The following RERE variants were observed in gnomAD, a reference collection of about 807,000 sequenced individuals.
RERE encodes arginine-glutamic acid dipeptide repeats protein.
In RERE, 40 loss-of-function variants were observed where a neutral mutation model predicts 146.1. The ratio of observed to expected loss-of-function variants is 0.27; its 90% CI spans 0.21 to 0.36. The LOEUF is 0.36. RERE is among the 10% of genes least tolerant of loss of function. The pLI, the probability that RERE is intolerant of heterozygous loss-of-function variation, is 1.00. For missense variants in RERE, 1,933 were observed against 2,138.7 expected (o/e 0.90, Z 1.90); for synonymous variants, 1,003 against 866.0 (o/e 1.16, Z -2.78).
intron 12 of RERE, among the ~76,000 whole-genome samples, chr1:8,378,873 G>C (rs772846116): frequency 6.6e-6 from 1 of 152,328 alleles, no homozygotes. Context: ...GCTGTGAGAC[G>C]GGGCTCATGG....
intron 4 of RERE, among the ~76,000 whole-genome samples, chr1:8,581,588 T>G (rs1557696311): frequency 6.6e-6 from 1 of 152,238 alleles, no homozygotes; most frequent in Non-Finnish European, 1.5e-5. Context: ...AGATTATATT[T>G]AGATCAATGA....
chr1:8,615,679 A>G (rs1309660593), intron 3 of RERE, among the ~76,000 whole-genome samples: 1 of 152,200 alleles, frequency 6.6e-6, no homozygotes, highest in East Asian at 1.9e-4. Flanking sequence ...CCTGTTACAC[A>G]TAATTCCCTT....
intron 12 of RERE, among the ~76,000 whole-genome samples, chr1:8,404,342 C>A (rs1422524304): frequency 6.6e-6 from 1 of 151,972 alleles, no homozygotes; most frequent in Non-Finnish European, 1.5e-5. Flanking sequence ...GGCATGAACC[C>A]AGGAGGCGGA....
intron 7 of RERE, among the ~76,000 whole-genome samples, chr1:8,510,526 G>T (rs1264474196): frequency 1.3e-5 from 2 of 152,192 alleles, no homozygotes; most frequent in Non-Finnish European, 2.9e-5. Flanking sequence ...GGAAATGGAA[G>T]AAGCTGTTTT....
intron 2 of RERE, among the ~76,000 whole-genome samples, 154 bp downstream of exon 2, chr1:8,655,819 C>T (rs1638268467): frequency 6.6e-6 from 1 of 152,094 alleles, no homozygotes; most frequent in Admixed American, 6.5e-5. Context: ...ACCTAACTGA[C>T]CAAAAGTGGG....
chr1:8,780,957 C>T (rs1557538970), intron 1 of RERE, among the ~76,000 whole-genome samples: 1 of 151,902 alleles, frequency 6.6e-6, no homozygotes, highest in Non-Finnish European at 1.5e-5. Flanking sequence ...CGCGGTAGCT[C>T]ATGTCTGTAA....
Position 8,356,350 on chromosome 1 carries a change from C to T in RERE, c.4340-104G>A. The T allele has an allele frequency of 7.7e-7, 1 of 1,303,682 alleles. No homozygotes were observed. The highest frequency in any genetic ancestry group is 1.0e-6 in the Non-Finnish European group (1 of 1,004,446). The allele number at this position is 1,303,682 out of a possible 1,614,324, so 80.8% of individuals were successfully genotyped here. A position where few individuals can be genotyped will look rare whatever the true frequency, so the allele number is the denominator to read the frequency against. ...GACTTCCTCCTCACCCAGGATGGCT[C>T]CTGGTCACCAGGGCTGGATGCACCA... On this transcript the variant is annotated intron_variant, in intron 20 of 22. Transcript: ENST00000400908. This position sits in a 1 kb window ranked among gnomAD's most constrained non-coding sequence, Gnocchi z 5.2.
chr1:8,769,919 G>A (rs1426630233), intron 1 of RERE, among the ~76,000 whole-genome samples: 1 of 152,116 alleles, frequency 6.6e-6, no homozygotes, highest in Non-Finnish European at 1.5e-5. Flanking sequence ...CTCCCGAGTA[G>A]CTGGGATTCC....
chr1:8,698,882 A>G (rs1639390805), intron 1 of RERE, among the ~76,000 whole-genome samples: 1 of 152,116 alleles, frequency 6.6e-6, no homozygotes, highest in East Asian at 1.9e-4. Flanking sequence ...TCTTAACAAG[A>G]AGCTTCTGAT....
chr1:8,582,060 T>C (rs1223643006), intron 4 of RERE, among the ~76,000 whole-genome samples: 4 of 152,174 alleles, frequency 2.6e-5, no homozygotes, highest in African/African-American at 9.7e-5. Flanking sequence ...TGCTTGCTGG[T>C]ATATAATATC....
chr1:8,530,731 C>T (rs1185187418), intron 7 of RERE, among the ~76,000 whole-genome samples: 31 of 134,410 alleles, frequency 2.3e-4, no homozygotes, highest in East Asian at 6.3e-4. Flanking sequence ...GTCGCCCAGG[C>T]CGGACTGCGG....
chr1:8,614,512 C>T lies in RERE; in HGVS notation c.522+49G>A. 3.2e-6 allele frequency: 5 copies of T among 1,572,000 alleles called. No homozygotes were observed. The South Asian group carries it at 5.7e-5, about 18-fold the overall frequency. On this transcript the variant is annotated intron_variant, in intron 4 of 22. Transcript: ENST00000400908. ...GGAGGTAATATTCCTATTTTATACC[C>T]TATGGGATATAAAATACTGATAGCT...
At chr1:8,625,781 C>T (rs1238159964) in intron 2 of RERE, among the ~76,000 whole-genome samples, 1 of 152,138 alleles carries the variant, frequency 6.6e-6, no homozygotes, top group African/African-American at 2.4e-5. Flanking sequence ...CCCCAACAGA[C>T]CAACTAAGAT....
intron 4 of RERE, among the ~76,000 whole-genome samples, chr1:8,578,508 G>GA (rs1646324197): frequency 6.6e-6 from 1 of 152,168 alleles, no homozygotes; most frequent in Non-Finnish European, 1.5e-5. Flanking sequence ...AGGCAACACT[G>GA]AAATCAAGTG....
chr1:8,387,178 G>A (rs921596026), intron 12 of RERE, among the ~76,000 whole-genome samples: 3 of 152,146 alleles, frequency 2.0e-5, no homozygotes, highest in Non-Finnish European at 4.4e-5. Flanking sequence ...ACACTCTTAT[G>A]GAAATTTCAC....
chr1:8,756,346 T>A (rs1640638444), intron 1 of RERE, among the ~76,000 whole-genome samples: 1 of 152,242 alleles, frequency 6.6e-6, no homozygotes, highest in Non-Finnish European at 1.5e-5. Context: ...TTATTGCATT[T>A]TTATTACATT....
chr1:8,402,709 A>G (rs1643305368), intron 12 of RERE, among the ~76,000 whole-genome samples: 1 of 152,066 alleles, frequency 6.6e-6, no homozygotes, highest in African/African-American at 2.4e-5. Flanking sequence ...TCCTTCTTAG[A>G]TCGTATTTAT....
intron 1 of RERE, among the ~76,000 whole-genome samples, chr1:8,690,316 A>G (rs1017697490): frequency 6.6e-6 from 1 of 152,120 alleles, no homozygotes; most frequent in Non-Finnish European, 1.5e-5. Flanking sequence ...TAATCACATC[A>G]TGAGGAGCCC....
chr1:8,653,997 C>A (rs1267496543), intron 2 of RERE, among the ~76,000 whole-genome samples: 1 of 151,330 alleles, frequency 6.6e-6, no homozygotes, highest in Admixed American at 6.6e-5. Context: ...GCTGTGAATG[C>A]AAATTTGTCT....
Sources: allele counts gnomAD v4.1 joint callset (sites outside exome capture counted in the v4.1 genomes callset), GRCh38; gene constraint gnomAD v4.1.1; non-coding constraint Gnocchi (gnomAD v3.1); transcripts MANE v1.5; gene names NCBI Gene and HGNC (gene_info 2026-07-23, HGNC 2026-07-21).